Variants in COL5A3 observed in about 807,000 individuals in gnomAD.
COL5A3 encodes collagen alpha-3(V) chain.
In COL5A3, 172 loss-of-function variants were observed where a neutral mutation model predicts 250.0. The ratio of observed to expected loss-of-function variants is 0.69; its 90% confidence interval spans 0.61 to 0.78. The LOEUF is 0.78. Among genes scored for constraint, COL5A3 ranks in the 30% least tolerant of loss-of-function variants. COL5A3 has a pLI of 0.00. For synonymous variants in COL5A3, 937 were observed against 900.4 expected (o/e 1.04, Z -0.73); for missense variants, 2,340 against 2,334.4 (o/e 1.00, Z -0.05).
At chr19:10,002,474 C>G (rs2087379178) in intron 6 of COL5A3, among the ~76,000 whole-genome samples, 2 of 150,146 alleles carry the variant, frequency 1.3e-5, no homozygotes, top group Admixed American at 1.3e-4. Context: ...CCCCCCAACC[C>G]AGTGACCCAC....
Position 9,977,142 on chromosome 19 carries a change from A to T in COL5A3, c.3288+87T>A, listed in dbSNP as rs561608920. On this transcript the variant is annotated intron_variant, in intron 44 of 66. Transcript: ENST00000264828. ...GGCAGAAAACTCCATGGCCTCTCCT[A>T]CCCCATGGAGAATGATCTCTACATC... 11 of 1,317,776 alleles carry T rather than the reference A, an allele frequency of 8.3e-6. No homozygotes were observed. The African/African-American group carries it at 1.4e-4, about 17-fold the overall frequency. The allele number at this position is 1,317,776 out of a possible 1,614,324, so 81.6% of individuals were successfully genotyped here.
chr19:9,969,377 G>C lies in COL5A3; in HGVS notation c.4124C>G (p.Pro1375Arg). The change falls in exon 57 of 67, where the codon CCT (proline) becomes CGT (arginine). Residue 1375 changes from proline to arginine, a missense_variant. Coordinates refer to ENST00000264828, the MANE Select transcript of COL5A3 (RefSeq NM_015719.4). ...PVGEPGLLGA[P>R]GQMGPPGPLG... Reference sequence around the variant, plus strand: ...GGGGCCAGGAGGGCCCATCTGTCCAGGGGCTCCCAGGAGGCCTGGTTCACC... The same window carrying C: ...GGGGCCAGGAGGGCCCATCTGTCCACGGGCTCCCAGGAGGCCTGGTTCACC... The C allele has an allele frequency of 6.2e-7, 1 of 1,607,202 alleles. No individual in the cohort carries two copies. Among genetic ancestry groups the C allele is most frequent in the South Asian group, 1.1e-5 (1 of 90,240 alleles).
intron 54 of COL5A3, among the ~76,000 whole-genome samples, 155 bp from the exon 55 acceptor site, chr19:9,970,077 G>GA (rs1457392207): frequency 1.5e-5 from 1 of 66,304 alleles, no homozygotes; most frequent in Non-Finnish European, 3.1e-5. Context: ...GGGGGCTGTG[G>GA]GTGAGTGGGG....
chr19:9,981,078 A>G lies in COL5A3; in HGVS notation c.2505+10T>C, dbSNP rs377213681. 2 of 1,613,280 alleles carry G rather than the reference A, an allele frequency of 1.2e-6. No homozygotes were observed. Among genetic ancestry groups the G allele is most frequent in the Middle Eastern group, 1.6e-4 (1 of 6,082 alleles). On this transcript the variant is annotated intron_variant, in intron 33 of 66. Coordinates refer to ENST00000264828, the MANE Select transcript of COL5A3 (RefSeq NM_015719.4). ...CCCAGCAGGGTAGGGGGCACTGTCT[A>G]TTTTCTTACTGGTGGTCCCCGCTCT...
intron 6 of COL5A3, 110 bp downstream of exon 6, chr19:10,003,455 G>A (rs1045326969): frequency 1.9e-5 from 20 of 1,074,250 alleles, no homozygotes; most frequent in Middle Eastern, 4.2e-4. Flanking sequence ...AGGGACCAGA[G>A]ATTAGTAGAG....
intron 35 of COL5A3, 122 bp from the exon 36 acceptor site, chr19:9,980,169 A>G: frequency 1.1e-6 from 1 of 936,488 alleles, no homozygotes; most frequent in Non-Finnish European, 1.6e-6. Context: ...AGGCATGGGC[A>G]GGGCATTCTC....
Position 9,982,136 on chromosome 19 carries a change from G to T in COL5A3, c.2407-18C>A. On this transcript the variant is annotated intron_variant, in intron 31 of 66. Coordinates refer to ENST00000264828, the MANE Select transcript of COL5A3 (RefSeq NM_015719.4). ...ATAGATCCCTGAGTGGAGAGAATTA[G>T]AAAGAAGACATGAGGGTGAGGAGTG... is the stretch of plus-strand genomic sequence containing the variant. 1 of 1,576,426 alleles carries T rather than the reference G, an allele frequency of 6.3e-7. No individual in the cohort carries two copies. Among genetic ancestry groups the T allele is most frequent in the Middle Eastern group, 1.7e-4 (1 of 5,838 alleles).
At chr19:9,995,684 TA>T (rs975569211) in intron 15 of COL5A3, 67 bp from the exon 16 acceptor site, 170 of 1,260,982 alleles carry the variant, frequency 1.3e-4, no homozygotes, top group Middle Eastern at 2.0e-4. Flanking sequence ...TCTATTGTAT[TA>T]AAAAAAATTA....
intron 16 of COL5A3, 100 bp from the exon 17 acceptor site, chr19:9,993,906 T>C (rs2087233738): frequency 9.4e-7 from 1 of 1,064,198 alleles, no homozygotes; most frequent in Non-Finnish European, 1.4e-6. Flanking sequence ...GATTTTTTTT[T>C]TGACAGGGTC....
intron 8 of COL5A3, 128 bp from the exon 9 acceptor site, chr19:9,998,277 C>G: frequency 2.1e-6 from 2 of 943,268 alleles, no homozygotes; most frequent in Admixed American, 5.0e-5. Context: ...CCTCAGAGCC[C>G]CTTCTCCTCT....
At chr19:9,984,353 A>T (rs1286331056) in intron 31 of COL5A3, among the ~76,000 whole-genome samples, 1 of 152,144 alleles carries the variant, frequency 6.6e-6, no homozygotes, top group Non-Finnish European at 1.5e-5. Flanking sequence ...GCTCTACTCT[A>T]GAGAAACAGA....
rs2087277360 is a variant in COL5A3, at chr19:9,996,606, CCTT to C, written c.1338+6_1338+8del. 6.2e-7 allele frequency: 1 copy of C among 1,614,008 alleles called. No homozygotes were observed. The highest frequency in any genetic ancestry group is 8.5e-7 in the Non-Finnish European group (1 of 1,179,956). On this transcript the variant is annotated splice_donor_region_variant and intron_variant, in intron 12 of 66. Coordinates refer to ENST00000264828, the MANE Select transcript of COL5A3 (RefSeq NM_015719.4). ...TCCCCAAGGCTGGGCCACTCCATCT[CCTT>C]CTTACCGGCATCATGATCACAGTGC...
At chr19:9,964,130 G>A (rs1362436979) in intron 64 of COL5A3, among the ~76,000 whole-genome samples, 1 of 152,078 alleles carries the variant, frequency 6.6e-6, no homozygotes, top group Non-Finnish European at 1.5e-5. Context: ...CCAAGATCAC[G>A]CCACTGCACT....
intron 8 of COL5A3, among the ~76,000 whole-genome samples, chr19:10,000,247 A>G (rs986060686): frequency 1.3e-5 from 2 of 152,034 alleles, no homozygotes; most frequent in South Asian, 2.1e-4. Context: ...CCTTTCAAAC[A>G]TCAAGCCACC....
intron 64 of COL5A3, among the ~76,000 whole-genome samples, chr19:9,964,896 A>G (rs1192290512): frequency 8.6e-6 from 1 of 115,956 alleles, no homozygotes. Flanking sequence ...AAAAAAAAAA[A>G]AAATCAGCTG....
intron 8 of COL5A3, among the ~76,000 whole-genome samples, chr19:10,001,094 A>G (rs2087353519): frequency 6.6e-6 from 1 of 152,170 alleles, no homozygotes; most frequent in Non-Finnish European, 1.5e-5. Flanking sequence ...TGAACTTAAG[A>G]TAAAAGTTTT....
At chr19:9,976,105 G>A (rs766603130) in intron 45 of COL5A3, among the ~76,000 whole-genome samples, 14 of 151,632 alleles carry the variant, frequency 9.2e-5, no homozygotes, top group South Asian at 2.1e-4. Flanking sequence ...GACATGGTTC[G>A]ACTGGGATTG....
rs1484834098 is a variant in COL5A3, at chr19:9,978,600, C to A, written c.2992G>T (p.Gly998Cys). ...TTGGCCCCCACGGGCCCTGGGGGGC[C>A]CTTATCACCCTTTAAGCCAGTAGGT... ...PGPTGLKGDK[G>C]PPGPVGANGS... is the part of the protein sequence containing the mutation. The change falls in exon 41 of 67, where the codon GGC becomes TGC. Residue 998 changes from glycine (G) to cysteine (C), a missense_variant. Physicochemically the swap from Gly to Cys is radical, Grantham distance 159 (BLOSUM62 -3). Transcript: ENST00000264828. 1 of 1,579,416 alleles carries A rather than the reference C, an allele frequency of 6.3e-7. No homozygotes were observed. The highest frequency in any genetic ancestry group is 8.6e-7 in the Non-Finnish European group (1 of 1,164,684).
intron 52 of COL5A3, 55 bp downstream of exon 52, chr19:9,971,150 G>C (rs1410939785): frequency 9.7e-6 from 14 of 1,444,130 alleles, no homozygotes; most frequent in Non-Finnish European, 1.3e-5. Context: ...TGGGGGTAGG[G>C]AGATGGGGAC....
Sources: gnomAD v4.1 joint callset for allele counts (sites outside exome capture counted in the v4.1 genomes callset) on GRCh38, gnomAD v4.1.1 for gene constraint, MANE v1.5 for transcripts, NCBI Gene and HGNC (gene_info 2026-07-23, HGNC 2026-07-21) for gene names.